Variants in ZNF560 observed in about 807,000 individuals in gnomAD.
ZNF560 encodes zinc finger protein 560.
Under a neutral mutation model 81.8 loss-of-function variants are expected in ZNF560, and 54 were observed. The observed-to-expected ratio is 0.66, with a 90% CI of 0.53 to 0.83. The LOEUF is 0.83. Among genes scored for constraint, ZNF560 ranks in the 40% least tolerant of loss-of-function variants. The pLI is 0.00. For missense variants in ZNF560, 940 were observed against 932.4 expected (o/e 1.01, Z -0.11); for synonymous variants, 321 against 317.9 (o/e 1.01, Z -0.10).
chr19:9,450,708 T>G, the ZNF560 span, among the ~76,000 whole-genome samples: 1 of 152,094 alleles, frequency 6.6e-6, no homozygotes, highest in East Asian at 1.9e-4. Flanking sequence ...TTTTATATTT[T>G]TAGTAGAGAC....
Position 9,467,098 on chromosome 19 carries a change from T to A in ZNF560, c.1849A>T (p.Lys617Ter). ...KAFTERSDLT[K>*]HLRRHTGDKP... ...TCTCCAGTGTGTCTTCGTAAATGTT[T>A]AGTAAGATCTGAGCGTTCTGTGAAG... The change falls in exon 10 of 10, where the codon AAA becomes TAA. Residue 617 changes from lysine to a stop codon, truncating the protein, a stop_gained. Coordinates refer to ENST00000301480, the MANE Select transcript of ZNF560 (RefSeq NM_152476.3). LOFTEE classifies it high-confidence loss of function. The A allele has an allele frequency of 6.2e-7, 1 of 1,613,904 alleles. No homozygotes were observed. Among genetic ancestry groups the A allele is most frequent in the Non-Finnish European group, 8.5e-7 (1 of 1,179,982 alleles).
upstream of ZNF560, among the ~76,000 whole-genome samples, chr19:9,502,324 G>C (rs936565179): frequency 6.6e-6 from 1 of 151,842 alleles, no homozygotes; most frequent in African/African-American, 2.4e-5. Context: ...CAATTCTCCT[G>C]CTTCAGCCTC....
At chr19:9,470,791 A>T (rs9305087) in intron 6 of ZNF560, among the ~76,000 whole-genome samples, 102,130 of 152,064 alleles carry the variant, frequency 0.67, 35,235 homozygotes, top group African/African-American at 0.83. Context: ...TCTACTGCAA[A>T]ACACTCCTGA....
At chr19:9,461,240 G>A in the ZNF560 span, among the ~76,000 whole-genome samples, 11 of 152,228 alleles carry the variant, frequency 7.2e-5, no homozygotes, top group East Asian at 3.9e-4. Context: ...GGTAATGGGC[G>A]ATCTAAAGTT....
chr19:9,455,191 C>G, the ZNF560 span, among the ~76,000 whole-genome samples: 1 of 152,162 alleles, frequency 6.6e-6, no homozygotes, highest in Non-Finnish European at 1.5e-5. Context: ...ACATTTGAGG[C>G]TTTTCCCTTT....
intron 2 of ZNF560, among the ~76,000 whole-genome samples, chr19:9,489,016 G>C (rs1163001262): frequency 6.6e-6 from 1 of 152,210 alleles, no homozygotes. Context: ...GAAGCTTCCA[G>C]AGGCCTCCCC....
upstream of ZNF560, among the ~76,000 whole-genome samples, chr19:9,501,156 C>CTTTTT (rs759618635): frequency 8.5e-5 from 9 of 106,360 alleles, no homozygotes; most frequent in Non-Finnish European, 1.1e-4. Context: ...TTCTCTTTAG[C>CTTTTT]TTTTTTTTTT....
chr19:9,449,996 A>AAACAAC, the ZNF560 span, among the ~76,000 whole-genome samples: 1 of 115,878 alleles, frequency 8.6e-6, no homozygotes. Context: ...AAAAAAAAAA[A>AAACAAC]AACAACTGAA....
At chr19:9,487,598 C>G (rs2073405887) in intron 2 of ZNF560, among the ~76,000 whole-genome samples, 1 of 152,196 alleles carries the variant, frequency 6.6e-6, no homozygotes. Context: ...GCAGGAGGCT[C>G]TGACAAGCAT....
At chr19:9,494,110 G>T (rs569472292) in intron 2 of ZNF560, among the ~76,000 whole-genome samples, 1 of 130,940 alleles carries the variant, frequency 7.6e-6, no homozygotes, top group Non-Finnish European at 1.6e-5. Flanking sequence ...CAGCCTGGGC[G>T]AAAGAGTGAG....
chr19:9,476,586 G>A (rs984385075), intron 2 of ZNF560, among the ~76,000 whole-genome samples: 38 of 152,044 alleles, frequency 2.5e-4, no homozygotes, highest in African/African-American at 6.5e-4. Context: ...CACCGCGCCC[G>A]GCCAATCTGA....
At chr19:9,446,886 G>C in the ZNF560 span, among the ~76,000 whole-genome samples, 2 of 152,110 alleles carry the variant, frequency 1.3e-5, no homozygotes, top group Non-Finnish European at 2.9e-5. Context: ...GCTCACACTT[G>C]CACTTTGGGA....
rs758594208 is a variant in ZNF560, at chr19:9,473,195, C to A, written c.222G>T (p.Gln74His). 3.1e-6 allele frequency: 5 copies of A among 1,613,820 alleles called. No individual in the cohort carries two copies. Among genetic ancestry groups the A allele is most frequent in the Non-Finnish European group, 4.2e-6 (5 of 1,179,848 alleles). Residue 74 changes from glutamine (Q) to histidine (H), a missense_variant, in exon 5 of 10, where the codon CAG becomes CAT. Gln to His is a conservative substitution (Grantham distance 24). Transcript: ENST00000301480. ...AATACTCACCTTGGAGAACTCCTTG[C>A]TGCAAGGTTCTCAACTCTTCTTCTT... is the stretch of plus-strand genomic sequence containing the variant. ...WLEEEELRTL[Q>H]QGVLQDWAIK... is the part of the protein sequence containing the mutation.
At chr19:9,490,004 T>G (rs1000242385) in intron 2 of ZNF560, among the ~76,000 whole-genome samples, 1 of 152,208 alleles carries the variant, frequency 6.6e-6, no homozygotes, top group African/African-American at 2.4e-5. Flanking sequence ...ATAGCTAAAC[T>G]GGTTGGATGA....
chr19:9,459,418 G>T, the ZNF560 span, among the ~76,000 whole-genome samples: 1 of 152,148 alleles, frequency 6.6e-6, no homozygotes, highest in Non-Finnish European at 1.5e-5. Flanking sequence ...CAGAGGTTAT[G>T]CTTGTGTTTC....
At chr19:9,468,576 T>C (rs1327159210) in intron 9 of ZNF560, among the ~76,000 whole-genome samples, 6 of 152,352 alleles carry the variant, frequency 3.9e-5, no homozygotes, top group African/African-American at 1.4e-4. Flanking sequence ...AACTCAAATG[T>C]CTAGTTATAC....
At chr19:9,501,327 T>TTGTGTG (rs71185606), upstream of ZNF560, among the ~76,000 whole-genome samples, 643 of 109,006 alleles carry the variant, frequency 5.9e-3, 5 homozygotes, top group South Asian at 0.01. Flanking sequence ...CCTGGCTACT[T>TTGTGTG]TGTGTGTGTG....
the ZNF560 span, among the ~76,000 whole-genome samples, chr19:9,460,827 A>G: frequency 6.6e-6 from 1 of 152,200 alleles, no homozygotes; most frequent in African/African-American, 2.4e-5. Context: ...GGAAGATTGC[A>G]TTGCAGGACA....
chr19:9,464,008 A>G (rs1315618185), downstream of ZNF560, among the ~76,000 whole-genome samples: 1 of 152,190 alleles, frequency 6.6e-6, no homozygotes, highest in East Asian at 1.9e-4. Flanking sequence ...AACTTACCTG[A>G]AGCTTTGGAT....
Sources: gnomAD v4.1 joint callset for allele counts (sites outside exome capture counted in the v4.1 genomes callset) on GRCh38, gnomAD v4.1.1 for gene constraint, MANE v1.5 for transcripts, NCBI Gene and HGNC (gene_info 2026-07-23, HGNC 2026-07-21) for gene names.